FOXN3: variants seen among roughly 807,000 people sequenced by gnomAD.
The protein encoded by FOXN3 is forkhead box protein N3.
Under a neutral mutation model 38.4 loss-of-function variants are expected in FOXN3, and 7 were observed. That is an observed-to-expected ratio of 0.18 (90% CI 0.10 to 0.34). FOXN3 has a LOEUF of 0.34. Among genes scored for constraint, FOXN3 ranks in the 10% least tolerant of loss-of-function variants. The probability of loss-of-function intolerance (pLI) is 1.00; values close to 1 mark genes in which losing one functional copy is unlikely to be tolerated. For synonymous variants in FOXN3, 230 were observed against 242.2 expected (o/e 0.95, Z 0.47); for missense variants, 456 against 613.4 (o/e 0.74, Z 2.71).
intron 4 of FOXN3, among the ~76,000 whole-genome samples, chr14:89,193,587 G>A (rs1205925463): frequency 6.6e-6 from 1 of 151,988 alleles, no homozygotes; most frequent in African/African-American, 2.4e-5. Context: ...CATTCCTTAT[G>A]GCTATCGCTG....
intron 4 of FOXN3, among the ~76,000 whole-genome samples, chr14:89,279,643 G>A (rs1272614315): frequency 6.6e-6 from 1 of 152,130 alleles, no homozygotes; most frequent in East Asian, 1.9e-4. Flanking sequence ...TAAATTATGT[G>A]TTAATTTTTG....
chr14:89,587,313 C>T (rs1307362690), intron 1 of FOXN3, among the ~76,000 whole-genome samples: 1 of 152,234 alleles, frequency 6.6e-6, no homozygotes, highest in African/African-American at 2.4e-5. Flanking sequence ...AACATCTAGA[C>T]TGGTGTTTGA....
rs1555354032 is a variant in FOXN3 at position 89,439,657 on chromosome 14, C to CGT, written c.-14-27168_-14-27167insAC. Reference sequence around the variant, plus strand: ...CCATGGAGTAGCCATTCTTTTATTCCTTTTTTTTTTTTTTTTGAGACGGAG... The same window carrying CGT: ...CCATGGAGTAGCCATTCTTTTATTCCGTTTTTTTTTTTTTTTTTGAGACGGAG... On this transcript the variant is annotated intron_variant, in intron 1 of 6. Transcript: ENST00000345097. 3.7e-5 allele frequency among the ~76,000 whole-genome samples: 5 copies of CGT among 136,282 alleles called. No homozygotes were observed. In the South Asian group the frequency reaches 1.2e-3, roughly 32 times the overall value. 89.4% of individuals were successfully genotyped at this position (136,282 alleles called of 152,430 possible).
chr14:89,575,957 T>C (rs980388632), intron 1 of FOXN3, among the ~76,000 whole-genome samples: 1 of 152,128 alleles, frequency 6.6e-6, no homozygotes, highest in Admixed American at 6.6e-5. Flanking sequence ...GCTCTGAAGT[T>C]AGGCTAAGCA....
intron 5 of FOXN3, among the ~76,000 whole-genome samples, chr14:89,175,603 C>A (rs574857744): frequency 6.6e-6 from 1 of 152,162 alleles, no homozygotes; most frequent in Admixed American, 6.5e-5. Flanking sequence ...GGCAGACACA[C>A]GTTTCCTCTT....
chr14:89,359,337 T>C (rs1037449163), intron 2 of FOXN3, among the ~76,000 whole-genome samples: 5 of 152,052 alleles, frequency 3.3e-5, no homozygotes, highest in African/African-American at 1.2e-4. Context: ...CTTGTTATTA[T>C]GATGGCAACA....
intron 1 of FOXN3, among the ~76,000 whole-genome samples, chr14:89,612,256 G>C (rs1266750565): frequency 6.6e-6 from 1 of 152,062 alleles, no homozygotes; most frequent in Non-Finnish European, 1.5e-5. Context: ...ATAATGCAGA[G>C]AGCAGCATCT....
In FOXN3 at chr14:89,160,775, T is replaced by C. The variant is rs1887078611; in HGVS notation, c.*1639A>G. The C allele has an allele frequency of 6.6e-6, 1 of 152,224 alleles. No individual in the cohort carries two copies. The highest frequency in any genetic ancestry group is 6.6e-5 in the Admixed American group (1 of 15,254). The allele number at this position is 152,224 out of a possible 1,614,324, so 9.4% of individuals were successfully genotyped here. A position where few individuals can be genotyped will look rare whatever the true frequency, so the allele number is the denominator to read the frequency against. On this transcript the variant is annotated 3_prime_UTR_variant, in exon 6 of 6. Transcript: ENST00000557258. ...CAACCATCCAAGCCCTACCAGAGCA[T>C]GAAGATATTTTTATATTGCAGAGTA...
At chr14:89,312,618 C>T (rs1408049845) in intron 3 of FOXN3, among the ~76,000 whole-genome samples, 3 of 152,180 alleles carry the variant, frequency 2.0e-5, no homozygotes, top group Admixed American at 6.5e-5. Context: ...TTACATTCTA[C>T]AGCCCACCAA....
intron 1 of FOXN3, among the ~76,000 whole-genome samples, chr14:89,533,946 T>TA: frequency 6.6e-6 from 1 of 152,128 alleles, no homozygotes; most frequent in East Asian, 1.9e-4. Flanking sequence ...TTGTTTTTTA[T>TA]AGCAGCAAAT....
intron 1 of FOXN3, among the ~76,000 whole-genome samples, chr14:89,483,065 G>A (rs1893372546): frequency 6.6e-6 from 1 of 152,066 alleles, no homozygotes; most frequent in Admixed American, 6.5e-5. Flanking sequence ...AAATTAGCCA[G>A]GTGTGGTGGC....
chr14:89,286,906 A>G (rs1886646023), intron 3 of FOXN3, among the ~76,000 whole-genome samples: 1 of 152,130 alleles, frequency 6.6e-6, no homozygotes, highest in African/African-American at 2.4e-5. Context: ...TAACCTTCCA[A>G]AGAAGCTTGA....
At position 89,162,771 on chromosome 14, in the gene FOXN3, C is replaced by A. The variant is rs1887138514; in HGVS notation, c.1050G>T (p.Gly350=). 1 of 1,612,942 alleles carries A rather than the reference C, an allele frequency of 6.2e-7. No individual in the cohort carries two copies. The highest frequency in any genetic ancestry group is 8.5e-7 in the Non-Finnish European group (1 of 1,179,468). ...CGCTGCCCTCGCTGCCCTCCTGGCT[C>A]CCCTTGGTGGCAAACTCATAGTGGT... is the stretch of plus-strand genomic sequence containing the variant. The part of the protein sequence containing the change: ...ADDHYEFATK[G]SQEGSEGSEG... Residue 350 remains glycine, a synonymous_variant, in exon 6 of 6, where the codon GGG becomes GGT. Transcript: ENST00000557258. This position sits in a 1 kb window ranked among gnomAD's most constrained non-coding sequence, Gnocchi z 7.2.
At chr14:89,228,263 G>T (rs1251601906) in intron 4 of FOXN3, among the ~76,000 whole-genome samples, 1 of 152,222 alleles carries the variant, frequency 6.6e-6, no homozygotes, top group Non-Finnish European at 1.5e-5. Context: ...AGCTCAGGAA[G>T]ACACGTTTTG....
chr14:89,551,820 C>G (rs1200249210), intron 1 of FOXN3, among the ~76,000 whole-genome samples: 6 of 149,788 alleles, frequency 4.0e-5, no homozygotes, highest in Non-Finnish European at 8.8e-5. Flanking sequence ...AGGGGTAACT[C>G]TATTTTTAGG....
intron 1 of FOXN3, among the ~76,000 whole-genome samples, chr14:89,451,021 A>G (rs1892604393): frequency 6.6e-6 from 1 of 152,126 alleles, no homozygotes; most frequent in African/African-American, 2.4e-5. Flanking sequence ...TTAAAGAATA[A>G]CTGCCTTAGT....
At chr14:89,229,874 AG>A (rs1164210383) in intron 4 of FOXN3, among the ~76,000 whole-genome samples, 1 of 152,240 alleles carries the variant, frequency 6.6e-6, no homozygotes, top group East Asian at 1.9e-4. Context: ...CCAGCCCTGC[AG>A]GTACAGGCAG....
At chr14:89,527,453 G>A (rs1311441171) in intron 1 of FOXN3, among the ~76,000 whole-genome samples, 1 of 152,182 alleles carries the variant, frequency 6.6e-6, no homozygotes, top group Non-Finnish European at 1.5e-5. Flanking sequence ...AACAGATTGT[G>A]ATAAAATATT....
intron 1 of FOXN3, among the ~76,000 whole-genome samples, chr14:89,457,230 G>A (rs1009349385): frequency 2.0e-5 from 3 of 152,194 alleles, no homozygotes; most frequent in Non-Finnish European, 2.9e-5. Context: ...TCTTTCTAGA[G>A]ACCTTCACGG....
Sources: gnomAD v4.1 joint callset for allele counts (sites outside exome capture counted in the v4.1 genomes callset) on GRCh38, gnomAD v4.1.1 for gene constraint, Gnocchi (gnomAD v3.1) non-coding constraint, MANE v1.5 for transcripts, NCBI Gene and HGNC (gene_info 2026-07-23, HGNC 2026-07-21) for gene names.